Variants in RIMS1 observed in about 807,000 individuals in gnomAD.
The protein encoded by RIMS1 is regulating synaptic membrane exocytosis 1.
In RIMS1, 83 loss-of-function variants were observed where a neutral mutation model predicts 214.1. The observed-to-expected ratio is 0.39, with a 90% CI of 0.32 to 0.47. RIMS1 has a LOEUF of 0.47. RIMS1 is among the 20% of genes least tolerant of loss of function. RIMS1 has a pLI of 0.99. For synonymous variants in RIMS1, 793 were observed against 786.8 expected (o/e 1.01, Z -0.13); for missense variants, 2,050 against 2,161.8 (o/e 0.95, Z 1.03).
chr6:72,103,086 G>C (rs984249146), intron 4 of RIMS1, among the ~76,000 whole-genome samples: 28 of 152,094 alleles, frequency 1.8e-4, no homozygotes, highest in Non-Finnish European at 2.5e-4. Flanking sequence ...TATATAGAAA[G>C]TTTATAAATA....
chr6:72,261,770 G>A, intron 19 of RIMS1: 1 of 985,222 alleles, frequency 1.0e-6, no homozygotes. Context: ...AATAAAAATT[G>A]TTTGAACTTT....
intron 4 of RIMS1, among the ~76,000 whole-genome samples, chr6:72,117,800 C>T (rs147898294): frequency 2.6e-5 from 4 of 151,934 alleles, no homozygotes; most frequent in Admixed American, 1.3e-4. Flanking sequence ...AAGTTCATAG[C>T]GTTAAATGCC....
chr6:72,336,517 G>C (rs1269117897), intron 29 of RIMS1, among the ~76,000 whole-genome samples: 1 of 151,778 alleles, frequency 6.6e-6, no homozygotes, highest in Non-Finnish European at 1.5e-5. Flanking sequence ...AAAAGGAAAT[G>C]GGATTATGAA....
chr6:71,960,301 G>C (rs947785764), intron 1 of RIMS1, among the ~76,000 whole-genome samples: 3 of 152,102 alleles, frequency 2.0e-5, no homozygotes, highest in African/African-American at 4.8e-5. Context: ...GGTGAGACTA[G>C]TGGTTTTCAA....
At chr6:72,037,182 G>C (rs1819872329) in intron 2 of RIMS1, among the ~76,000 whole-genome samples, 1 of 152,004 alleles carries the variant, frequency 6.6e-6, no homozygotes, top group African/African-American at 2.4e-5. Flanking sequence ...TTGGCATGTG[G>C]CTGAGGTGAC....
At chr6:71,916,312 A>G (rs1296106114) in intron 1 of RIMS1, among the ~76,000 whole-genome samples, 2 of 152,122 alleles carry the variant, frequency 1.3e-5, no homozygotes, top group African/African-American at 2.4e-5. Flanking sequence ...CAATTAGAGT[A>G]ACTAGCATTC....
At position 71,886,664 on chromosome 6, in the gene RIMS1, C is replaced by G. The variant is rs1767860668; in HGVS notation, c.-360C>G. ...CGCCCCGCGCCCCGCCGGAGACGCC[C>G]GGATCGGCGGAGCCTGGCGCGAGCC... On this transcript the variant is annotated 5_prime_UTR_variant, in exon 1 of 34. Coordinates refer to ENST00000521978, the MANE Select transcript of RIMS1 (RefSeq NM_014989.7). 2.0e-5 allele frequency: 3 copies of G among 150,950 alleles called. No individual in the cohort carries two copies. The highest frequency in any genetic ancestry group is 7.3e-5 in the African/African-American group (3 of 41,234). 9.4% of individuals were successfully genotyped at this position (150,950 alleles called of 1,614,324 possible). A position where few individuals can be genotyped will look rare whatever the true frequency, so the allele number is the denominator to read the frequency against.
At chr6:71,984,613 T>C (rs1799375312) in intron 2 of RIMS1, among the ~76,000 whole-genome samples, 2 of 152,212 alleles carry the variant, frequency 1.3e-5, no homozygotes, top group Non-Finnish European at 2.9e-5. Context: ...TTGCCAGTAC[T>C]TGATGGAGCT....
rs1413297689 is a variant in RIMS1, at chr6:72,078,671, C to A, written c.246-18278C>A. 2.6e-5 allele frequency among the ~76,000 whole-genome samples: 4 copies of A among 151,884 alleles called. No homozygotes were observed. In the East Asian group the frequency reaches 7.8e-4, roughly 29 times the overall value. On this transcript the variant is annotated intron_variant, in intron 2 of 33. Coordinates refer to ENST00000521978, the MANE Select transcript of RIMS1 (RefSeq NM_014989.7). ...CTCCTAGACTTAGGAGAAGCAAAAA[C>A]AAACACAAAAAAACAAGCAAACAAA...
At position 72,250,937 on chromosome 6, in the gene RIMS1, A is replaced by T; in HGVS notation, c.2389A>T (p.Arg797Trp). The change falls in exon 14 of 34, where the codon AGG becomes TGG. Residue 797 changes from arginine to tryptophan, a missense_variant. Coordinates refer to ENST00000521978, the MANE Select transcript of RIMS1 (RefSeq NM_014989.7). ...LPDRSDKSKR[R>W]TKTVKKILEP... is the part of the protein sequence containing the mutation. ...ATTTTTCAGTGATAAAAGTAAAAGGAGGACCAAAACAGTAAAGAAAATACT... is the reference window on the plus strand; with the variant it reads ...ATTTTTCAGTGATAAAAGTAAAAGGTGGACCAAAACAGTAAAGAAAATACT... The T allele has an allele frequency of 6.6e-7, 1 of 1,513,384 alleles. No individual in the cohort carries two copies. Among genetic ancestry groups the T allele is most frequent in the Non-Finnish European group, 8.9e-7 (1 of 1,129,086 alleles). 93.7% of individuals were successfully genotyped at this position (1,513,384 alleles called of 1,614,324 possible).
chr6:72,351,535 A>C (rs2097446618), intron 29 of RIMS1, among the ~76,000 whole-genome samples: 2 of 152,192 alleles, frequency 1.3e-5, no homozygotes, highest in African/African-American at 4.8e-5. Context: ...AGACTGTGAC[A>C]CAGGACCCTG....
Position 72,131,213 on chromosome 6 carries a change from A to G in RIMS1, c.471+31227A>G, listed in dbSNP as rs966128989. Among the ~76,000 whole-genome samples the G allele has an allele frequency of 3.9e-5, 6 of 152,220 alleles. 1 individual carries two copies. Among genetic ancestry groups the G allele is most frequent in the Middle Eastern group, 6.3e-3 (2 of 316 alleles). On this transcript the variant is annotated intron_variant, in intron 4 of 33. Coordinates refer to ENST00000521978, the MANE Select transcript of RIMS1 (RefSeq NM_014989.7). ...GAGTTAGAACTCTCCTATACTGAGC[A>G]TAGTGGAAAGTGGACCTGTTTCTCT...
chr6:72,303,837 A>G (rs1361394768), intron 26 of RIMS1, among the ~76,000 whole-genome samples: 1 of 151,582 alleles, frequency 6.6e-6, no homozygotes, highest in African/African-American at 2.4e-5. Flanking sequence ...GGTACCTTAT[A>G]GTGAAATATT....
chr6:71,948,585 G>A (rs2151097151), intron 1 of RIMS1, among the ~76,000 whole-genome samples: 1 of 152,294 alleles, frequency 6.6e-6, no homozygotes, highest in Non-Finnish European at 1.5e-5. Context: ...GAGACAATAA[G>A]ACCAACCTCA....
Position 72,233,865 on chromosome 6 carries a change from G to C in RIMS1, c.1746+25G>C, listed in dbSNP as rs9342941. 650 of 1,469,054 alleles carry C rather than the reference G, an allele frequency of 4.4e-4. 7 individuals are homozygous for C. The East Asian group carries it at 0.015, about 33-fold the overall frequency. The allele number at this position is 1,469,054 out of a possible 1,614,324, so 91.0% of individuals were successfully genotyped here. On this transcript the variant is annotated intron_variant, in intron 7 of 33. Coordinates refer to ENST00000521978, the MANE Select transcript of RIMS1 (RefSeq NM_014989.7). ...GGTAAGTTTTCTGGAAAGTGTGTTT[G>C]GAGTTTAGGGAATATGTGTGCTCGT...
At chr6:72,116,353 G>C (rs2037071446) in intron 4 of RIMS1, among the ~76,000 whole-genome samples, 1 of 152,050 alleles carries the variant, frequency 6.6e-6, no homozygotes, top group South Asian at 2.1e-4. Context: ...CTAATTCTGA[G>C]TGGGGGTCAA....
chr6:72,216,839 G>C (rs903129728), intron 6 of RIMS1: 4 of 1,006,442 alleles, frequency 4.0e-6, no homozygotes, highest in Non-Finnish European at 4.7e-6. Context: ...TTTAGGAAAT[G>C]GTTAATTGAG....
intron 2 of RIMS1, among the ~76,000 whole-genome samples, chr6:71,997,394 G>C (rs1366379470): frequency 1.3e-5 from 2 of 152,032 alleles, no homozygotes; most frequent in African/African-American, 4.8e-5. Context: ...AATTCAAAAG[G>C]AATGCAAAAG....
At chr6:71,926,402 A>G (rs528018972) in intron 1 of RIMS1, among the ~76,000 whole-genome samples, 1 of 152,368 alleles carries the variant, frequency 6.6e-6, no homozygotes, top group East Asian at 1.9e-4. Context: ...GCTGTACAAA[A>G]GTCTTCCATC....
Sources: gnomAD v4.1 joint callset for allele counts (sites outside exome capture counted in the v4.1 genomes callset) on GRCh38, gnomAD v4.1.1 for gene constraint, MANE v1.5 for transcripts, NCBI Gene and HGNC (gene_info 2026-07-23, HGNC 2026-07-21) for gene names.